Variants in UBA6 observed in about 807,000 individuals in gnomAD.
UBA6 encodes the protein ubiquitin like modifier activating enzyme 6, also known as ubiquitin-like modifier-activating enzyme 6.
Under a neutral mutation model 148.3 loss-of-function variants are expected in UBA6, and 87 were observed. The ratio of observed to expected loss-of-function variants is 0.59; its 90% CI spans 0.49 to 0.70. UBA6 has a LOEUF of 0.70. Ranked by LOEUF, UBA6 falls within the 30% of genes least tolerant of loss-of-function variation. UBA6 has a pLI of 0.00. For missense variants in UBA6, 1,186 were observed against 1,241.2 expected (o/e 0.96, Z 0.67); for synonymous variants, 376 against 401.0 (o/e 0.94, Z 0.75).
chr4:67,657,826 CAAAAAAAA>C (rs57984969), intron 13 of UBA6, among the ~76,000 whole-genome samples: 1 of 115,156 alleles, frequency 8.7e-6, no homozygotes, highest in African/African-American at 3.4e-5. Context: ...AACAAATTTA[CAAAAAAAA>C]AAAAAAAAAG....
Position 67,614,124 on chromosome 4 carries a change from T to C in UBA6, c.*4873A>G, listed in dbSNP as rs1728584185. 1 of 152,234 alleles carries C rather than the reference T, an allele frequency of 6.6e-6. No individual in the cohort carries two copies. The highest frequency in any genetic ancestry group is 1.9e-4 in the East Asian group (1 of 5,200). 9.4% of individuals were successfully genotyped at this position (152,234 alleles called of 1,614,324 possible). On this transcript the variant is annotated 3_prime_UTR_variant, in exon 33 of 33. Coordinates refer to ENST00000322244, the MANE Select transcript of UBA6 (RefSeq NM_018227.6). ...AAAACTTGTTCTCCACAATCTCTTA[T>C]TTAACCTGAATATTTCCTTCCTATT... is the stretch of plus-strand genomic sequence containing the variant.
At chr4:67,675,824 G>C (rs904318645) in intron 6 of UBA6, among the ~76,000 whole-genome samples, 1 of 151,986 alleles carries the variant, frequency 6.6e-6, no homozygotes, top group Non-Finnish European at 1.5e-5. Flanking sequence ...AATTCTTTGA[G>C]GTTTAATAGT....
intron 16 of UBA6, among the ~76,000 whole-genome samples, chr4:67,645,506 A>G (rs975628650): frequency 5.3e-5 from 8 of 152,000 alleles, no homozygotes; most frequent in African/African-American, 1.4e-4. Flanking sequence ...GGCTGAGGCA[A>G]GAGAATCACT....
At chr4:67,639,782 CAAT>C (rs1729260115) in intron 18 of UBA6, among the ~76,000 whole-genome samples, 2 of 151,942 alleles carry the variant, frequency 1.3e-5, no homozygotes, top group South Asian at 2.1e-4. Flanking sequence ...AGATTAATAA[CAAT>C]AAAACAATAC....
At chr4:67,637,646 C>A (rs1187722030) in intron 19 of UBA6, among the ~76,000 whole-genome samples, 16 of 151,976 alleles carry the variant, frequency 1.1e-4, no homozygotes, top group African/African-American at 3.9e-4. Flanking sequence ...TAGCCCCAAC[C>A]CGGTGCTCTC....
chr4:67,644,848 T>C, intron 16 of UBA6, 70 bp from the exon 17 acceptor site: 3 of 748,788 alleles, frequency 4.0e-6, no homozygotes, highest in Non-Finnish European at 6.7e-6. Context: ...CTTTGAAATA[T>C]TTAACAGGTT....
rs1419357915 is a variant in UBA6 at position 67,634,135 on chromosome 4, T to C, written c.2013+107A>G. ...CTTATGTATCATTTCATTTTTTATA[T>C]ACAATCACTCTTTATGGAGGTAAAA... On this transcript the variant is annotated intron_variant, in intron 22 of 32. Transcript: ENST00000322244. The C allele has an allele frequency of 7.3e-6, 5 of 680,282 alleles. No individual in the cohort carries two copies. The African/African-American group carries it at 7.5e-5, about 10-fold the overall frequency. 42.1% of individuals were successfully genotyped at this position (680,282 alleles called of 1,614,324 possible).
In UBA6 at chr4:67,644,631, C is replaced by G. The variant is rs1300104859; in HGVS notation, c.1476+67G>C. ...AACTGATACTTCAGATTTATGCAGT[C>G]AAATATAGCTGAAAAAGGGCAACAA... On this transcript the variant is annotated intron_variant, in intron 17 of 32. Coordinates refer to ENST00000322244, the MANE Select transcript of UBA6 (RefSeq NM_018227.6). The G allele has an allele frequency of 1.2e-5, 11 of 941,092 alleles. No individual in the cohort carries two copies. In the East Asian group the frequency reaches 2.4e-4, roughly 21 times the overall value. The allele number at this position is 941,092 out of a possible 1,614,324, so 58.3% of individuals were successfully genotyped here.
intron 2 of UBA6, among the ~76,000 whole-genome samples, chr4:67,691,138 C>T (rs1179587619): frequency 6.6e-6 from 1 of 151,548 alleles, no homozygotes; most frequent in Non-Finnish European, 1.5e-5. Flanking sequence ...TTTGTGACAA[C>T]TTGAAAAAAA....
intron 13 of UBA6, among the ~76,000 whole-genome samples, chr4:67,655,999 A>G (rs1364489371): frequency 6.6e-6 from 1 of 152,212 alleles, no homozygotes; most frequent in Non-Finnish European, 1.5e-5. Flanking sequence ...AAAAAGTTGA[A>G]TCTCTGAATA....
intron 26 of UBA6, among the ~76,000 whole-genome samples, chr4:67,629,521 T>A (rs906400788): frequency 6.6e-6 from 1 of 152,150 alleles, no homozygotes; most frequent in East Asian, 1.9e-4. Flanking sequence ...TGAAGTAAGT[T>A]ATACTCAATA....
At chr4:67,661,736 C>G (rs1426398248) in intron 13 of UBA6, 1 of 167,036 alleles carries the variant, frequency 6.0e-6, no homozygotes, top group Non-Finnish European at 1.3e-5. Context: ...TCATAACACA[C>G]ACAAAAAAAC....
intron 4 of UBA6, 27 bp from the exon 5 acceptor site, chr4:67,678,560 G>C (rs754277936): frequency 7.2e-7 from 1 of 1,390,480 alleles, no homozygotes; most frequent in Admixed American, 1.8e-5. Context: ...AGTATTGGTT[G>C]AAGTCAGGAG....
intron 2 of UBA6, among the ~76,000 whole-genome samples, chr4:67,692,372 C>G (rs903543596): frequency 6.6e-6 from 1 of 152,074 alleles, no homozygotes; most frequent in Non-Finnish European, 1.5e-5. Context: ...GGAAGAGAAG[C>G]AAGCACCAGG....
Position 67,668,684 on chromosome 4 carries a change from A to C in UBA6, c.670-10T>G. The C allele has an allele frequency of 6.2e-7, 1 of 1,605,398 alleles. No homozygotes were observed. Among genetic ancestry groups the C allele is most frequent in the Non-Finnish European group, 8.5e-7 (1 of 1,175,910 alleles). On this transcript the variant is annotated splice_polypyrimidine_tract_variant and intron_variant, in intron 8 of 32. Transcript: ENST00000322244. The stretch of plus-strand genomic sequence containing the variant: ...CAATGCCAGGATTTGCCTAAAAATA[A>C]GAGTAATCTATTAAAAAAGAACTTC...
chr4:67,642,235 C>G (rs764343617), intron 17 of UBA6, among the ~76,000 whole-genome samples: 1 of 151,990 alleles, frequency 6.6e-6, no homozygotes, highest in Non-Finnish European at 1.5e-5. Context: ...CCTACTGCCC[C>G]CAACTCCCCA....
chr4:67,647,478 T>C (rs1729446140), intron 14 of UBA6, among the ~76,000 whole-genome samples: 2 of 152,112 alleles, frequency 1.3e-5, no homozygotes, highest in South Asian at 4.1e-4. Flanking sequence ...AGAAAGTACC[T>C]ACTCTGTATT....
intron 13 of UBA6, among the ~76,000 whole-genome samples, chr4:67,657,505 C>A (rs1729728964): frequency 6.6e-6 from 1 of 152,108 alleles, no homozygotes; most frequent in East Asian, 1.9e-4. Flanking sequence ...CCCTTCCTTA[C>A]ACCTTATAGA....
At chr4:67,646,440 T>C (rs1269504603) in intron 15 of UBA6, among the ~76,000 whole-genome samples, 2 of 152,210 alleles carry the variant, frequency 1.3e-5, no homozygotes, top group African/African-American at 4.8e-5. Flanking sequence ...GAATTACCTA[T>C]ATAAATAAAG....
Sources: gnomAD v4.1 joint callset for allele counts (sites outside exome capture counted in the v4.1 genomes callset) on GRCh38, gnomAD v4.1.1 for gene constraint, MANE v1.5 for transcripts, NCBI Gene and HGNC (gene_info 2026-07-23, HGNC 2026-07-21) for gene names.